Variants in MYZAP observed in about 807,000 individuals in gnomAD.
MYZAP encodes the protein GRINL1A complex locus upstream.
In MYZAP, 66 loss-of-function variants were observed where a neutral mutation model predicts 69.4. The ratio of observed to expected loss-of-function variants is 0.95; its 90% CI spans 0.78 to 1.17. The LOEUF (loss-of-function observed/expected upper bound fraction) is 1.17. Among genes scored for constraint, MYZAP ranks in the 50% most tolerant of loss-of-function variants. The pLI, the probability that MYZAP is intolerant of heterozygous loss-of-function variation, is 0.00. For synonymous variants in MYZAP, 256 were observed against 205.9 expected (o/e 1.24, Z -2.09); for missense variants, 611 against 556.2 (o/e 1.10, Z -0.99).
rs769866057 is a variant in MYZAP at position 57,639,416 on chromosome 15, G to A, written c.1014-24G>A. On this transcript the variant is annotated intron_variant, in intron 9 of 12. Coordinates refer to ENST00000267853, the MANE Select transcript of MYZAP (RefSeq NM_001018100.5). ...TGCTGCTTTGGTTTAGGACTCATTT[G>A]CTTTTTTCTCCTATTTGTGTTAGGT... 6 of 1,612,848 alleles carry A rather than the reference G, an allele frequency of 3.7e-6. No individual in the cohort carries two copies. The South Asian group carries it at 6.6e-5, about 18-fold the overall frequency.
At chr15:57,674,482 C>T (rs1422788606) in intron 11 of MYZAP, among the ~76,000 whole-genome samples, 12 of 152,168 alleles carry the variant, frequency 7.9e-5, no homozygotes, top group African/African-American at 1.4e-4. Context: ...AACAGACTTG[C>T]TCATTTTATA....
At chr15:57,595,799 T>G (rs2034019969) in intron 1 of MYZAP, among the ~76,000 whole-genome samples, 1 of 152,146 alleles carries the variant, frequency 6.6e-6, no homozygotes, top group African/African-American at 2.4e-5. Flanking sequence ...GATAGGACTA[T>G]CTCCTAGCCT....
chr15:57,593,697 C>T (rs1469838440), intron 1 of MYZAP, among the ~76,000 whole-genome samples: 7 of 152,140 alleles, frequency 4.6e-5, no homozygotes, highest in South Asian at 2.1e-4. Context: ...AGATGGCAGA[C>T]GTATTTTGGA....
intron 10 of MYZAP, chr15:57,646,360 T>C: frequency 1.7e-6 from 2 of 1,180,492 alleles, no homozygotes; most frequent in South Asian, 3.3e-5. Flanking sequence ...GGGGCTCTTG[T>C]TTGTGAAAAC....
chr15:57,647,613 G>C (rs2037507484), intron 10 of MYZAP: 2 of 985,274 alleles, frequency 2.0e-6, no homozygotes, highest in African/African-American at 3.5e-5. Context: ...TTTCTCTTTT[G>C]GGCTATGAAC....
intron 4 of MYZAP, among the ~76,000 whole-genome samples, chr15:57,622,950 G>C (rs989736525): frequency 6.6e-6 from 1 of 152,076 alleles, no homozygotes; most frequent in Non-Finnish European, 1.5e-5. Flanking sequence ...CACATAATAG[G>C]CTCATTTTCT....
chr15:57,675,180 C>A, intron 12 of MYZAP, 112 bp downstream of exon 12: 3 of 1,014,112 alleles, frequency 3.0e-6, no homozygotes, highest in Non-Finnish European at 4.3e-6. Context: ...ACAAATATTT[C>A]TGCAAAGCCG....
chr15:57,593,431 C>G (rs2033854064), intron 1 of MYZAP, among the ~76,000 whole-genome samples: 1 of 152,034 alleles, frequency 6.6e-6, no homozygotes, highest in African/African-American at 2.4e-5. Flanking sequence ...AAAAGCTAAC[C>G]CTGAGCCCTG....
intron 6 of MYZAP, 85 bp downstream of exon 6, chr15:57,629,939 C>A: frequency 6.8e-7 from 1 of 1,471,174 alleles, no homozygotes; most frequent in Non-Finnish European, 9.1e-7. Context: ...TCAACCTTTC[C>A]ATTTCCTTTT....
Position 57,645,425 on chromosome 15 carries a change from G to A in MYZAP, c.1119+5880G>A, listed in dbSNP as rs73424728. On this transcript the variant is annotated intron_variant, in intron 10 of 12. Coordinates refer to ENST00000267853, the MANE Select transcript of MYZAP (RefSeq NM_001018100.5). ...CATCTGCAGTTAGAGACCTTTATGT[G>A]TCTACAACAAAAGATGGCCTAGAAA... Among the ~76,000 whole-genome samples, 762 of 152,276 alleles carry A rather than the reference G, an allele frequency of 5.0e-3. 11 individuals are homozygous for A. Among genetic ancestry groups the A allele is most frequent in the African/African-American group, 0.018 (728 of 41,544 alleles).
chr15:57,685,257 T>C lies in MYZAP; in HGVS notation c.*759T>C, dbSNP rs1172002064. 6.6e-6 allele frequency: 1 copy of C among 152,236 alleles called. No homozygotes were observed. The highest frequency in any genetic ancestry group is 1.5e-5 in the Non-Finnish European group (1 of 68,030). The allele number at this position is 152,236 out of a possible 1,614,324, so 9.4% of individuals were successfully genotyped here. A position where few individuals can be genotyped will look rare whatever the true frequency, so the allele number is the denominator to read the frequency against. ...AATAATTTAGTGTTCTCAGTATCAA[T>C]TGGTGTTTTTGTTAAACGAATGAAT... On this transcript the variant is annotated 3_prime_UTR_variant, in exon 13 of 13. Transcript: ENST00000267853.
In MYZAP at chr15:57,637,750, A is replaced by G. The variant is rs776805672; in HGVS notation, c.989A>G (p.Glu330Gly). ...GAACATGAAACAGAAATGTCTGGGG[A>G]GTTAACTGATTCTGACAAGGAAAGG... ...LLEHETEMSG[E>G]LTDSDKERYQ... Residue 330 changes from glutamate (E) to glycine (G), a missense_variant, in exon 9 of 13, where the codon GAG (glutamate) becomes GGG (glycine). Coordinates refer to ENST00000267853, the MANE Select transcript of MYZAP (RefSeq NM_001018100.5). 2.5e-6 allele frequency: 4 copies of G among 1,612,228 alleles called. No individual in the cohort carries two copies. In the African/African-American group the frequency reaches 4.0e-5, roughly 16 times the overall value.
At chr15:57,615,174 C>A (rs1434167557) in intron 2 of MYZAP, among the ~76,000 whole-genome samples, 1 of 152,112 alleles carries the variant, frequency 6.6e-6, no homozygotes, top group East Asian at 1.9e-4. Flanking sequence ...TGCCAAAAAA[C>A]ATTCAAAGTC....
intron 4 of MYZAP, among the ~76,000 whole-genome samples, chr15:57,623,019 G>T (rs550451092): frequency 3.3e-5 from 5 of 152,300 alleles, no homozygotes; most frequent in Admixed American, 1.3e-4. Flanking sequence ...ATAAAAATAG[G>T]TGAAAGATTT....
rs1386280575 is a variant in MYZAP at position 57,604,196 on chromosome 15, A to C, written c.76-73A>C. On this transcript the variant is annotated intron_variant, in intron 1 of 12. Transcript: ENST00000267853. ...GAAGTAGGGGAAATGGGCTGTGAGA[A>C]GCCCAAGGTCATCTGGCTCTTTCTG... 2.7e-6 allele frequency: 4 copies of C among 1,508,136 alleles called. No individual in the cohort carries two copies. The African/African-American group carries it at 4.1e-5, about 16-fold the overall frequency. 93.4% of individuals were successfully genotyped at this position (1,508,136 alleles called of 1,614,324 possible).
At chr15:57,643,893 G>T (rs2037304257) in intron 10 of MYZAP, among the ~76,000 whole-genome samples, 1 of 152,116 alleles carries the variant, frequency 6.6e-6, no homozygotes, top group Non-Finnish European at 1.5e-5. Flanking sequence ...TTGCAGAGGA[G>T]GCATTTTCTT....
intron 8 of MYZAP, 145 bp downstream of exon 8, chr15:57,633,886 T>G (rs1348711480): frequency 2.0e-6 from 2 of 1,008,914 alleles, no homozygotes; most frequent in Non-Finnish European, 2.6e-6. Flanking sequence ...TAAAATAAAG[T>G]ATAAGGAAGT....
chr15:57,681,921 T>C (rs1184909136), intron 12 of MYZAP, among the ~76,000 whole-genome samples: 1 of 152,162 alleles, frequency 6.6e-6, no homozygotes, highest in African/African-American at 2.4e-5. Context: ...TGCCATGCTT[T>C]TTAATACATC....
chr15:57,678,589 T>C (rs1316854735), intron 12 of MYZAP, among the ~76,000 whole-genome samples: 1 of 152,178 alleles, frequency 6.6e-6, no homozygotes, highest in African/African-American at 2.4e-5. Flanking sequence ...ATTGATAGCC[T>C]GATCAAGTAT....
Sources: gnomAD v4.1 joint callset for allele counts (sites outside exome capture counted in the v4.1 genomes callset) on GRCh38, gnomAD v4.1.1 for gene constraint, MANE v1.5 for transcripts, NCBI Gene and HGNC (gene_info 2026-07-23, HGNC 2026-07-21) for gene names.